Variants in RIMS2 observed in about 807,000 individuals in gnomAD.
RIMS2 encodes the protein regulating synaptic membrane exocytosis protein 2.
Under a neutral mutation model 174.4 loss-of-function variants are expected in RIMS2, and 59 were observed. The observed-to-expected ratio is 0.34, with a 90% CI of 0.27 to 0.42. The LOEUF (loss-of-function observed/expected upper bound fraction) is 0.42, where lower values mean the gene tolerates loss of function less well. RIMS2 is among the 10% of genes least tolerant of loss of function. The pLI is 1.00. For missense variants in RIMS2, 1,620 were observed against 1,666.3 expected (o/e 0.97, Z 0.48); for synonymous variants, 606 against 572.5 (o/e 1.06, Z -0.84).
intron 1 of RIMS2, among the ~76,000 whole-genome samples, chr8:103,600,446 T>G (rs2094680593): frequency 6.6e-6 from 1 of 152,108 alleles, no homozygotes; most frequent in African/African-American, 2.4e-5. Flanking sequence ...ATTTTTTGTA[T>G]TTTTAGTAGA....
intron 19 of RIMS2, among the ~76,000 whole-genome samples, chr8:104,044,464 CTTGG>C (rs2096659962): frequency 6.7e-6 from 1 of 149,588 alleles, no homozygotes; most frequent in African/African-American, 2.5e-5. Flanking sequence ...AGGAAAAGGA[CTTGG>C]TTGGGAGAAT....
chr8:103,712,763 G>T (rs1282709798), intron 2 of RIMS2, among the ~76,000 whole-genome samples: 1 of 152,150 alleles, frequency 6.6e-6, no homozygotes, highest in Non-Finnish European at 1.5e-5. Context: ...TGTAAGGTGG[G>T]TTAGACATTG....
intron 3 of RIMS2, among the ~76,000 whole-genome samples, chr8:103,775,339 G>A (rs2098301584): frequency 6.6e-6 from 1 of 152,100 alleles, no homozygotes; most frequent in Non-Finnish European, 1.5e-5. Context: ...GGTTAAGAAA[G>A]AGGTTAAACT....
intron 19 of RIMS2, among the ~76,000 whole-genome samples, chr8:104,199,297 T>TCAA (rs2099042354): frequency 6.6e-6 from 1 of 151,844 alleles, no homozygotes. Flanking sequence ...CTCCTGACCT[T>TCAA]GTGATCTGCC....
intron 3 of RIMS2, among the ~76,000 whole-genome samples, chr8:103,847,424 G>A (rs543193303): frequency 6.9e-4 from 105 of 152,170 alleles, no homozygotes; most frequent in African/African-American, 2.5e-3. Context: ...AAAGAGTTCT[G>A]GATGGCACAG....
intron 1 of RIMS2, among the ~76,000 whole-genome samples, chr8:103,593,580 C>T (rs939335134): frequency 6.6e-6 from 1 of 151,410 alleles, no homozygotes; most frequent in Non-Finnish European, 1.5e-5. Flanking sequence ...AAATTTTCTT[C>T]ATTTACTTCA....
At position 104,104,224 on chromosome 8, in the gene RIMS2, C is replaced by T. The variant is rs188487690; in HGVS notation, c.3334+89609C>T. 5.5e-4 allele frequency among the ~76,000 whole-genome samples: 83 copies of T among 152,218 alleles called. 1 individual carries two copies. The highest frequency in any genetic ancestry group is 1.8e-3 in the African/African-American group (73 of 41,518). ...GGGGTTTGAAGATTTGGAATAACTACTGAAGAAAATATGAGAAGTAGCTTA... is the reference window on the plus strand; with the variant it reads ...GGGGTTTGAAGATTTGGAATAACTATTGAAGAAAATATGAGAAGTAGCTTA... On this transcript the variant is annotated intron_variant, in intron 19 of 23. Transcript: ENST00000504942.
At chr8:103,574,848 A>G (rs974774937) in intron 1 of RIMS2, among the ~76,000 whole-genome samples, 2 of 152,230 alleles carry the variant, frequency 1.3e-5, no homozygotes, top group African/African-American at 4.8e-5. Flanking sequence ...GGATCTGCCA[A>G]AGATACAAAG....
At chr8:103,834,684 CTTTCTTTCTTT>C (rs1564828497) in intron 3 of RIMS2, among the ~76,000 whole-genome samples, 5 of 50,734 alleles carry the variant, frequency 9.9e-5, no homozygotes, top group Admixed American at 2.9e-4. Context: ...CTTTTTCTTT[CTTTCTTTCTTT>C]CTTTCTTTCT....
chr8:103,582,343 G>GA (rs1471765980), intron 1 of RIMS2, among the ~76,000 whole-genome samples: 3 of 152,176 alleles, frequency 2.0e-5, no homozygotes, highest in Non-Finnish European at 4.4e-5. Flanking sequence ...CATCAGATGA[G>GA]ACTCAGCACA....
At chr8:104,066,939 A>C (rs182767491) in intron 19 of RIMS2, among the ~76,000 whole-genome samples, 4 of 152,270 alleles carry the variant, frequency 2.6e-5, no homozygotes, top group African/African-American at 9.6e-5. Context: ...TTTCCTTTAA[A>C]ATTTGTTACT....
Position 104,015,577 on chromosome 8 carries a change from A to G in RIMS2, c.3334+962A>G, listed in dbSNP as rs114378366. On this transcript the variant is annotated intron_variant, in intron 19 of 23. Transcript: ENST00000504942. Reference sequence around the variant, plus strand: ...GTGTAGACTTAAATACAGTAAAATTATTTTGTTTTATGATATCTGACAAAG... The same window carrying G: ...GTGTAGACTTAAATACAGTAAAATTGTTTTGTTTTATGATATCTGACAAAG... 3,070 of 438,638 alleles carry G rather than the reference A, an allele frequency of 7.0e-3. 65 individuals are homozygous for G. Among genetic ancestry groups the G allele is most frequent in the African/African-American group, 0.049 (2,426 of 49,180 alleles). 27.2% of individuals were successfully genotyped at this position (438,638 alleles called of 1,614,324 possible).
At chr8:104,205,904 C>T (rs1361385762) in intron 19 of RIMS2, among the ~76,000 whole-genome samples, 3 of 151,970 alleles carry the variant, frequency 2.0e-5, no homozygotes, top group Non-Finnish European at 2.9e-5. Context: ...TATAGGCATG[C>T]ACCATCACGC....
intron 3 of RIMS2, among the ~76,000 whole-genome samples, chr8:103,840,584 C>T (rs754812830): frequency 6.6e-6 from 1 of 152,036 alleles, no homozygotes; most frequent in African/African-American, 2.4e-5. Context: ...TGTATGTTTT[C>T]TGTTGCACAT....
chr8:104,135,195 G>A (rs188245613), intron 19 of RIMS2, among the ~76,000 whole-genome samples: 1 of 152,246 alleles, frequency 6.6e-6, no homozygotes, highest in African/African-American at 2.4e-5. Flanking sequence ...AAGAAGGTAG[G>A]TATGCACTCC....
chr8:104,215,082 A>C (rs1232689836), intron 19 of RIMS2, among the ~76,000 whole-genome samples: 1 of 152,254 alleles, frequency 6.6e-6, no homozygotes, highest in African/African-American at 2.4e-5. Flanking sequence ...GTCTTCATAC[A>C]TAATAAAAAA....
intron 12 of RIMS2, among the ~76,000 whole-genome samples, chr8:103,934,198 A>T (rs939370712): frequency 1.3e-5 from 2 of 152,132 alleles, no homozygotes; most frequent in African/African-American, 4.8e-5. Context: ...ATAAATTTTT[A>T]AAAAAGGATT....
At chr8:104,007,525 C>T (rs2095626480) in intron 17 of RIMS2, among the ~76,000 whole-genome samples, 1 of 152,190 alleles carries the variant, frequency 6.6e-6, no homozygotes, top group Admixed American at 6.6e-5. Flanking sequence ...TTTTATCTTC[C>T]ATCATCTATG....
In RIMS2 at chr8:103,754,831, G is replaced by A. The variant is rs182943640; in HGVS notation, c.388-11396G>A. On this transcript the variant is annotated intron_variant, in intron 2 of 23. Transcript: ENST00000504942. ...CTTGAGCCTATATGTGTCTCTGCAC[G>A]TGAGATGGGTCTCCTGAATACAGCA... Among the ~76,000 whole-genome samples, 12 of 152,098 alleles carry A rather than the reference G, an allele frequency of 7.9e-5. No homozygotes were observed. In the East Asian group the frequency reaches 2.1e-3, roughly 27 times the overall value.
Sources: gnomAD v4.1 joint callset for allele counts (sites outside exome capture counted in the v4.1 genomes callset) on GRCh38, gnomAD v4.1.1 for gene constraint, MANE v1.5 for transcripts, NCBI Gene and HGNC (gene_info 2026-07-23, HGNC 2026-07-21) for gene names.